Variants in CSMD1 observed in about 807,000 individuals in gnomAD.
CSMD1 encodes CUB and sushi domain-containing protein 1.
In CSMD1, 213 loss-of-function variants were observed where a neutral mutation model predicts 417.5. The observed-to-expected ratio is 0.51, with a 90% CI of 0.46 to 0.57. The LOEUF (loss-of-function observed/expected upper bound fraction) is 0.57, where lower values mean the gene tolerates loss of function less well. CSMD1 is among the 20% of genes least tolerant of loss of function. CSMD1 has a pLI of 0.00. For synonymous variants in CSMD1, 2,862 were observed against 1,736.8 expected (o/e 1.65, Z -16.11); for missense variants, 6,923 against 4,529.7 (o/e 1.53, Z -15.17).
In CSMD1 at chr8:3,398,378, T is replaced by A. The variant is rs187850443; in HGVS notation, c.2405+1013A>T. On this transcript the variant is annotated intron_variant, in intron 16 of 69. Transcript: ENST00000635120. ...AACTTTTTTCTCTTGTTCTAAGAGA[T>A]TGTGCTATTGGGGATTATTATTATT... Among the ~76,000 whole-genome samples the A allele has an allele frequency of 2.6e-5, 4 of 152,284 alleles. No homozygotes were observed. The East Asian group carries it at 5.8e-4, about 22-fold the overall frequency.
chr8:4,315,461 T>G (rs530095121), intron 3 of CSMD1, among the ~76,000 whole-genome samples: 1 of 152,020 alleles, frequency 6.6e-6, no homozygotes, highest in African/African-American at 2.4e-5. Flanking sequence ...GCAAAAAAAA[T>G]ATTCCAAGGC....
chr8:4,792,910 T>C (rs111383829), intron 1 of CSMD1, among the ~76,000 whole-genome samples: 1,901 of 152,076 alleles, frequency 0.013, 46 homozygotes, highest in African/African-American at 0.043. Context: ...TGAGTTCATA[T>C]AGAGTTCAGT....
chr8:3,822,776 G>A (rs972167257), intron 5 of CSMD1, among the ~76,000 whole-genome samples: 1 of 152,192 alleles, frequency 6.6e-6, no homozygotes, highest in African/African-American at 2.4e-5. Context: ...AGAATAAAGA[G>A]AGGATGGATA....
chr8:3,603,457 G>T (rs771394419), intron 8 of CSMD1, among the ~76,000 whole-genome samples: 1 of 152,102 alleles, frequency 6.6e-6, no homozygotes, highest in Non-Finnish European at 1.5e-5. Context: ...TGGACTGAGC[G>T]CCCAATCCCA....
At chr8:3,566,023 AC>A (rs1485114085) in intron 10 of CSMD1, among the ~76,000 whole-genome samples, 1 of 152,182 alleles carries the variant, frequency 6.6e-6, no homozygotes, top group Non-Finnish European at 1.5e-5. Context: ...TGAGAATAAA[AC>A]ATAAACTCTT....
chr8:3,285,146 G>A (rs1251650893), intron 25 of CSMD1, among the ~76,000 whole-genome samples: 2 of 152,072 alleles, frequency 1.3e-5, no homozygotes, highest in Admixed American at 6.5e-5. Context: ...CCTGCGTATT[G>A]CACACCGATT....
At chr8:3,333,969 A>G (rs999470036) in intron 23 of CSMD1, among the ~76,000 whole-genome samples, 8 of 152,306 alleles carry the variant, frequency 5.3e-5, no homozygotes, top group South Asian at 2.1e-4. Context: ...CTCAGCTTGT[A>G]TAGGATTTCC....
intron 7 of CSMD1, among the ~76,000 whole-genome samples, chr8:3,691,669 T>A (rs1207038307): frequency 2.6e-5 from 4 of 152,200 alleles, no homozygotes; most frequent in African/African-American, 9.6e-5. Context: ...GGCACTGGGC[T>A]AAGTATTTTT....
chr8:4,939,471 A>G (rs1368763615), intron 1 of CSMD1, among the ~76,000 whole-genome samples: 1 of 152,256 alleles, frequency 6.6e-6, no homozygotes, highest in African/African-American at 2.4e-5. Flanking sequence ...CAGCCTTTAA[A>G]AAGAAGACAG....
At chr8:4,548,950 G>C (rs1469016322) in intron 2 of CSMD1, among the ~76,000 whole-genome samples, 2 of 152,110 alleles carry the variant, frequency 1.3e-5, no homozygotes, top group Non-Finnish European at 2.9e-5. Context: ...ATCTATCTAA[G>C]TTAATTTTGC....
chr8:3,223,967 C>T, intron 27 of CSMD1, 100 bp from the exon 28 acceptor site: 1 of 1,207,040 alleles, frequency 8.3e-7, no homozygotes, highest in Non-Finnish European at 1.2e-6. Flanking sequence ...AAGAAAAAGA[C>T]ATCAGCATTT....
chr8:3,491,414 C>T (rs1818372545), intron 11 of CSMD1, among the ~76,000 whole-genome samples: 1 of 152,144 alleles, frequency 6.6e-6, no homozygotes, highest in South Asian at 2.1e-4. Flanking sequence ...ATGCATTTAA[C>T]ACAGTGCATG....
At chr8:4,730,601 C>T (rs1474847017) in intron 1 of CSMD1, among the ~76,000 whole-genome samples, 5 of 151,838 alleles carry the variant, frequency 3.3e-5, no homozygotes, top group African/African-American at 1.2e-4. Flanking sequence ...ATTAGCCGGG[C>T]GTGGTGGCGG....
chr8:4,600,765 G>T (rs558650934), intron 2 of CSMD1, among the ~76,000 whole-genome samples: 9 of 152,262 alleles, frequency 5.9e-5, no homozygotes, highest in African/African-American at 2.2e-4. Context: ...ACTAAGGCGT[G>T]AGGATAAATT....
chr8:4,899,448 G>A (rs1317738260), intron 1 of CSMD1, among the ~76,000 whole-genome samples: 1 of 152,154 alleles, frequency 6.6e-6, no homozygotes, highest in Non-Finnish European at 1.5e-5. Context: ...AGAATTAAAT[G>A]TAGATACGCA....
intron 1 of CSMD1, among the ~76,000 whole-genome samples, chr8:4,943,807 C>T (rs1007135740): frequency 1.3e-5 from 2 of 152,036 alleles, no homozygotes; most frequent in Non-Finnish European, 2.9e-5. Context: ...CCCTTATGAA[C>T]GAAGATTTGA....
At chr8:3,366,507 G>C (rs189919178) in intron 20 of CSMD1, among the ~76,000 whole-genome samples, 1 of 152,192 alleles carries the variant, frequency 6.6e-6, no homozygotes, top group East Asian at 1.9e-4. Context: ...TAAAAATAAA[G>C]ATGTTACCTA....
chr8:4,614,626 C>T (rs941983123), intron 2 of CSMD1, among the ~76,000 whole-genome samples: 6 of 152,206 alleles, frequency 3.9e-5, no homozygotes, highest in Non-Finnish European at 7.4e-5. Context: ...CACACACACA[C>T]GTACACGTAC....
intron 1 of CSMD1, among the ~76,000 whole-genome samples, chr8:4,925,630 T>A (rs1227803572): frequency 1.3e-5 from 2 of 151,650 alleles, no homozygotes; most frequent in Non-Finnish European, 1.5e-5. Flanking sequence ...CACTGCAAGC[T>A]CTGCCTCCCG....
Sources: allele counts gnomAD v4.1 joint callset (sites outside exome capture counted in the v4.1 genomes callset), GRCh38; gene constraint gnomAD v4.1.1; transcripts MANE v1.5; gene names NCBI Gene and HGNC (gene_info 2026-07-23, HGNC 2026-07-21).